CFAP92: variants seen among roughly 807,000 people sequenced by gnomAD.
CFAP92 encodes uncharacterized protein CFAP92.
CFAP92 carries 86 observed loss-of-function variants against 106.3 expected under a neutral mutation model. The ratio of observed to expected loss-of-function variants is 0.81; its 90% CI spans 0.68 to 0.97. The LOEUF is 0.97. CFAP92 is among the 50% of genes least tolerant of loss of function. The pLI is 0.00. For missense variants in CFAP92, 1,204 were observed against 1,283.8 expected (o/e 0.94, Z 0.95); for synonymous variants, 477 against 506.4 (o/e 0.94, Z 0.78).
At chr3:129,015,047 A>G in the CFAP92 span, among the ~76,000 whole-genome samples, 1 of 152,078 alleles carries the variant, frequency 6.6e-6, no homozygotes, top group African/African-American at 2.4e-5. Context: ...CATCAGAACC[A>G]CGGACCACAC....
intron 12 of CFAP92, among the ~76,000 whole-genome samples, chr3:128,923,869 C>T (rs1166610543): frequency 3.3e-5 from 5 of 152,234 alleles, no homozygotes; most frequent in Non-Finnish European, 7.3e-5. Flanking sequence ...TGAAGCCTCT[C>T]AGGCTCACTT....
intron 9 of CFAP92, among the ~76,000 whole-genome samples, chr3:128,961,553 A>C (rs1437100775): frequency 6.6e-6 from 1 of 152,206 alleles, no homozygotes; most frequent in Non-Finnish European, 1.5e-5. Context: ...ACTCTTAAAA[A>C]GGTGGCTGGA....
At chr3:128,998,718 C>A (rs1220013774), upstream of CFAP92, among the ~76,000 whole-genome samples, 1 of 152,180 alleles carries the variant, frequency 6.6e-6, no homozygotes, top group Non-Finnish European at 1.5e-5. Context: ...CCAGGGAGCA[C>A]AGAGCAGCCT....
At chr3:128,921,147 C>G (rs554647224) in intron 12 of CFAP92, among the ~76,000 whole-genome samples, 1 of 152,118 alleles carries the variant, frequency 6.6e-6, no homozygotes, top group South Asian at 2.1e-4. Context: ...TTGACTCTGC[C>G]GGACTTCATA....
upstream of CFAP92, among the ~76,000 whole-genome samples, chr3:128,996,493 G>A (rs1489446048): frequency 6.6e-6 from 1 of 152,186 alleles, no homozygotes; most frequent in Admixed American, 6.5e-5. Flanking sequence ...AGGATGAAGT[G>A]AGGGCAAAGG....
In CFAP92 at chr3:128,916,222, A is replaced by C; in HGVS notation, c.2801T>G (p.Val934Gly). 8.1e-7 allele frequency: 1 copy of C among 1,232,122 alleles called. No individual in the cohort carries two copies. Among genetic ancestry groups the C allele is most frequent in the Non-Finnish European group, 1.0e-6 (1 of 987,976 alleles). 76.3% of individuals were successfully genotyped at this position (1,232,122 alleles called of 1,614,324 possible). ...GGCTGAAATTTTAATCACCTTCGCC[A>C]CGGACTTCGGAGGCTTCTTGCTGAC... ...YQVSKKPPKS[V>G]AKVIKISAPA... Residue 934 changes from valine to glycine, a missense_variant, in exon 13 of 16, where the codon GTG becomes GGG. Val to Gly is a moderately radical substitution (Grantham distance 109, BLOSUM62 -3). Transcript: ENST00000645291.
At chr3:129,009,700 GA>G in the CFAP92 span, among the ~76,000 whole-genome samples, 1 of 152,162 alleles carries the variant, frequency 6.6e-6, no homozygotes, top group Non-Finnish European at 1.5e-5. Context: ...CCCCTCTCTG[GA>G]GCTCGCAGCC....
chr3:128,962,444 G>A (rs1302942427), intron 9 of CFAP92, among the ~76,000 whole-genome samples: 1 of 151,962 alleles, frequency 6.6e-6, no homozygotes, highest in Non-Finnish European at 1.5e-5. Flanking sequence ...ATCCCCACCT[G>A]CCCAGTTCCC....
intron 9 of CFAP92, among the ~76,000 whole-genome samples, chr3:128,962,979 C>T (rs112212474): frequency 6.6e-6 from 1 of 151,816 alleles, no homozygotes; most frequent in Non-Finnish European, 1.5e-5. Flanking sequence ...TTCCTTTGCA[C>T]CCGTCATCCC....
chr3:128,982,084 G>C lies in CFAP92; in HGVS notation c.668-3899C>G, dbSNP rs141439586. On this transcript the variant is annotated intron_variant, in intron 4 of 15. Coordinates refer to ENST00000645291, the MANE Select transcript of CFAP92 (RefSeq NM_001394090.1). ...CTGTCCCTATCAAGAGAGTCAGCCT[G>C]TCCTTTGAAGCCAGGCATTGACTTC... is the stretch of plus-strand genomic sequence containing the variant. Among the ~76,000 whole-genome samples, 15 of 152,344 alleles carry C rather than the reference G, an allele frequency of 9.8e-5. No individual in the cohort carries two copies. The East Asian group carries it at 2.9e-3, about 29-fold the overall frequency.
intron 1 of CFAP92, chr3:129,001,689 C>T (rs1223287551): frequency 4.0e-6 from 6 of 1,487,618 alleles, no homozygotes; most frequent in East Asian, 2.7e-5. Flanking sequence ...TGACCCGTAC[C>T]GGCGACCTGC....
At position 128,945,119 on chromosome 3, in the gene CFAP92, C is replaced by A; in HGVS notation, c.2210G>T (p.Gly737Val). ...DGKTHLFILEGLADQGLRQLW... is the reference protein window; with the variant it reads ...DGKTHLFILEVLADQGLRQLW... ...CTGCCTCAAGCCTTGGTCGGCCAGG[C>A]CTTCCAGGATGAAAAGGTGTGTCTT... is the stretch of plus-strand genomic sequence containing the variant. The change falls in exon 10 of 16, where the codon GGC becomes GTC. Residue 737 changes from glycine to valine, a missense_variant. Gly to Val is a moderately radical substitution (Grantham distance 109, BLOSUM62 -3). Coordinates refer to ENST00000645291, the MANE Select transcript of CFAP92 (RefSeq NM_001394090.1). 6.5e-7 allele frequency: 1 copy of A among 1,535,200 alleles called. No homozygotes were observed. Among genetic ancestry groups the A allele is most frequent in the Non-Finnish European group, 8.7e-7 (1 of 1,146,196 alleles).
intron 4 of CFAP92, among the ~76,000 whole-genome samples, chr3:128,986,240 C>CTTT (rs144649397): frequency 7.2e-6 from 1 of 139,080 alleles, no homozygotes; most frequent in Non-Finnish European, 1.6e-5. Flanking sequence ...ATCTGTTTTA[C>CTTT]TTTTTTTTTT....
intron 9 of CFAP92, among the ~76,000 whole-genome samples, chr3:128,951,847 A>G (rs1447702871): frequency 1.3e-5 from 2 of 152,088 alleles, no homozygotes; most frequent in African/African-American, 4.8e-5. Flanking sequence ...GGTGCTCCTT[A>G]CCTCACTGGG....
intron 12 of CFAP92, among the ~76,000 whole-genome samples, chr3:128,921,323 G>A (rs774478613): frequency 2.6e-5 from 4 of 152,196 alleles, no homozygotes; most frequent in Non-Finnish European, 4.4e-5. Flanking sequence ...CTGAGCACTC[G>A]GAAGGACCAG....
At position 128,945,840 on chromosome 3, in the gene CFAP92, C is replaced by T; in HGVS notation, c.1489G>A (p.Asp497Asn). ...GGGCCCTCCAGGTATTCCCTTAGGT[C>T]ACTGGGGTGCAGTGCCCCAAGGAAG... ...VIFLGALHPS[D>N]LREYLEGPPM... Residue 497 changes from aspartate (D) to asparagine (N), a missense_variant, in exon 10 of 16, where the codon GAC becomes AAC. Coordinates refer to ENST00000645291, the MANE Select transcript of CFAP92 (RefSeq NM_001394090.1). The T allele has an allele frequency of 6.6e-7, 1 of 1,508,926 alleles. No homozygotes were observed. The highest frequency in any genetic ancestry group is 8.8e-7 in the Non-Finnish European group (1 of 1,135,390). The allele number at this position is 1,508,926 out of a possible 1,614,324, so 93.5% of individuals were successfully genotyped here.
chr3:128,960,887 T>C (rs533904356), intron 9 of CFAP92, among the ~76,000 whole-genome samples: 2 of 150,816 alleles, frequency 1.3e-5, no homozygotes, highest in South Asian at 2.1e-4. Flanking sequence ...CCTTCACCCT[T>C]AGCGGCAAGT....
chr3:129,021,433 G>C, the CFAP92 span, among the ~76,000 whole-genome samples: 1 of 152,180 alleles, frequency 6.6e-6, no homozygotes, highest in African/African-American at 2.4e-5. Context: ...TAAGCTGCTG[G>C]CAGGGAATGC....
At position 128,993,032 on chromosome 3, in the gene CFAP92, C is replaced by A. The variant is rs1196615454; in HGVS notation, c.262+11G>T. On this transcript the variant is annotated intron_variant, in intron 2 of 15. Transcript: ENST00000645291. ...TTTCAGAGGGTGTTAAACTTCTGCTCTAGCACCTACCCATATTCACAGGGA... is the reference window on the plus strand; with the variant it reads ...TTTCAGAGGGTGTTAAACTTCTGCTATAGCACCTACCCATATTCACAGGGA... 1 of 1,613,960 alleles carries A rather than the reference C, an allele frequency of 6.2e-7. No homozygotes were observed. The highest frequency in any genetic ancestry group is 2.2e-5 in the East Asian group (1 of 44,878).
Sources: allele counts gnomAD v4.1 joint callset (sites outside exome capture counted in the v4.1 genomes callset), GRCh38; gene constraint gnomAD v4.1.1; transcripts MANE v1.5; gene names NCBI Gene and HGNC (gene_info 2026-07-23, HGNC 2026-07-21).